The following BBS9 variants were observed in gnomAD, a reference collection of about 807,000 sequenced individuals.
BBS9 encodes the protein Bardet-Biedl syndrome 9, also known as protein PTHB1.
BBS9 carries 89 observed loss-of-function variants against 117.7 expected under a neutral mutation model. The observed-to-expected ratio is 0.76, with a 90% CI of 0.64 to 0.90. The LOEUF (loss-of-function observed/expected upper bound fraction) is 0.90, where lower values mean the gene tolerates loss of function less well. Ranked by LOEUF, BBS9 falls within the 40% of genes least tolerant of loss-of-function variation. BBS9 has a pLI of 0.00. For synonymous variants in BBS9, 379 were observed against 370.9 expected (o/e 1.02, Z -0.25); for missense variants, 982 against 1,042.2 (o/e 0.94, Z 0.80).
intron 9 of BBS9, among the ~76,000 whole-genome samples, chr7:33,308,456 A>G (rs997071053): frequency 7.9e-5 from 12 of 152,198 alleles, no homozygotes; most frequent in Non-Finnish European, 1.5e-4. Flanking sequence ...TCTGAAATTC[A>G]TTGCTTTTAC....
chr7:33,329,248 T>C (rs1813482913), intron 9 of BBS9, among the ~76,000 whole-genome samples: 1 of 152,118 alleles, frequency 6.6e-6, no homozygotes, highest in Non-Finnish European at 1.5e-5. Flanking sequence ...CTCGAACTCC[T>C]GGCCTCAGGT....
intron 2 of BBS9, among the ~76,000 whole-genome samples, chr7:33,146,603 G>A (rs1297178463): frequency 2.6e-5 from 4 of 151,246 alleles, no homozygotes; most frequent in African/African-American, 9.7e-5. Flanking sequence ...GGAGGCTGAG[G>A]CAGGAGAATC....
chr7:33,483,111 G>A (rs723300), intron 19 of BBS9, among the ~76,000 whole-genome samples: 84,922 of 151,752 alleles, frequency 0.56, 25,259 homozygotes, highest in African/African-American at 0.77. Context: ...GGGGGGCGGG[G>A]GGAATAGCTT....
intron 19 of BBS9, among the ~76,000 whole-genome samples, chr7:33,471,155 T>G (rs976306105): frequency 6.6e-6 from 1 of 152,218 alleles, no homozygotes; most frequent in East Asian, 1.9e-4. Flanking sequence ...AATTGCTGAC[T>G]TATCCAAGCT....
downstream of BBS9, among the ~76,000 whole-genome samples, chr7:33,609,418 T>C (rs2129212894): frequency 6.6e-6 from 1 of 152,316 alleles, no homozygotes. Context: ...TATCATCTCA[T>C]CTTAATGAGT....
chr7:33,351,532 G>C, intron 14 of BBS9: 1 of 569,328 alleles, frequency 1.8e-6, no homozygotes, highest in African/African-American at 1.9e-5. Context: ...TGTAATGTTT[G>C]GTTCCCTCTT....
intron 5 of BBS9, among the ~76,000 whole-genome samples, chr7:33,205,526 C>T (rs1369528349): frequency 6.6e-6 from 1 of 152,068 alleles, no homozygotes; most frequent in African/African-American, 2.4e-5. Context: ...AAGGATACCC[C>T]TAAGTGGGAA....
intron 5 of BBS9, among the ~76,000 whole-genome samples, chr7:33,213,364 C>T (rs1172683009): frequency 1.3e-5 from 2 of 152,178 alleles, no homozygotes; most frequent in Admixed American, 6.5e-5. Flanking sequence ...AGGCCTGGGA[C>T]TCACCCTTCA....
At chr7:33,402,087 C>T (rs373470656) in intron 19 of BBS9, among the ~76,000 whole-genome samples, 6 of 152,172 alleles carry the variant, frequency 3.9e-5, no homozygotes, top group African/African-American at 4.8e-5. Context: ...AGGTCCTGGT[C>T]CTTATGGTCA....
At chr7:33,424,863 T>A (rs1304323019) in intron 19 of BBS9, among the ~76,000 whole-genome samples, 1 of 152,164 alleles carries the variant, frequency 6.6e-6, no homozygotes, top group African/African-American at 2.4e-5. Context: ...CTTAAGAGAT[T>A]TGATCACTCA....
At chr7:33,591,775 A>G (rs903454999) in intron 21 of BBS9, among the ~76,000 whole-genome samples, 1 of 151,914 alleles carries the variant, frequency 6.6e-6, no homozygotes, top group African/African-American at 2.4e-5. Flanking sequence ...TTTGTGTCAT[A>G]TTATCTTGTG....
At chr7:33,623,067 A>C (rs1394940736) in intron 21 of BBS9, among the ~76,000 whole-genome samples, 5 of 152,240 alleles carry the variant, frequency 3.3e-5, no homozygotes, top group African/African-American at 1.2e-4. Context: ...CCTTAAAATT[A>C]AGAATTTATA....
At chr7:33,318,647 A>T (rs1411362982) in intron 9 of BBS9, among the ~76,000 whole-genome samples, 2 of 152,046 alleles carry the variant, frequency 1.3e-5, no homozygotes, top group Non-Finnish European at 2.9e-5. Flanking sequence ...TAAGTTCTTT[A>T]GTGGTGATTT....
intron 21 of BBS9, among the ~76,000 whole-genome samples, chr7:33,584,247 A>AT (rs1460335952): frequency 6.6e-6 from 1 of 151,960 alleles, no homozygotes; most frequent in Non-Finnish European, 1.5e-5. Context: ...TATTTTTGGA[A>AT]TTTTTTAGGT....
chr7:33,309,087 A>G (rs1209069544), intron 9 of BBS9, among the ~76,000 whole-genome samples: 1 of 151,972 alleles, frequency 6.6e-6, no homozygotes, highest in East Asian at 1.9e-4. Context: ...AATGTAGGTG[A>G]CAGTAATGAG....
chr7:33,381,943 G>A (rs1825120473), intron 17 of BBS9, among the ~76,000 whole-genome samples: 1 of 152,142 alleles, frequency 6.6e-6, no homozygotes, highest in South Asian at 2.1e-4. Context: ...ATCCGAAGAA[G>A]TAATTGCATT....
At chr7:33,410,815 A>G (rs1830983690) in intron 19 of BBS9, among the ~76,000 whole-genome samples, 1 of 152,060 alleles carries the variant, frequency 6.6e-6, no homozygotes, top group South Asian at 2.1e-4. Context: ...GGTTTATCCC[A>G]ACATAGACCT....
intron 19 of BBS9, among the ~76,000 whole-genome samples, chr7:33,444,021 T>A (rs1428634131): frequency 6.6e-6 from 1 of 152,200 alleles, no homozygotes; most frequent in East Asian, 1.9e-4. Context: ...GTTTGAAGGA[T>A]AATTGCTCTC....
intron 6 of BBS9, among the ~76,000 whole-genome samples, chr7:33,259,994 A>C (rs184221710): frequency 7.3e-6 from 1 of 137,130 alleles, no homozygotes; most frequent in Non-Finnish European, 1.5e-5. Flanking sequence ...TAAAAGACCT[A>C]GACTTTTTTC....
Sources: gnomAD v4.1 joint callset for allele counts (sites outside exome capture counted in the v4.1 genomes callset) on GRCh38, gnomAD v4.1.1 for gene constraint, MANE v1.5 for transcripts, NCBI Gene and HGNC (gene_info 2026-07-23, HGNC 2026-07-21) for gene names.